Variants in OSBPL1A observed in about 807,000 individuals in gnomAD.
The protein encoded by OSBPL1A is oxysterol binding protein like 1A, also known as oxysterol-binding protein-related protein 1.
A neutral mutation model predicts 137.1 loss-of-function variants in OSBPL1A; 80 were observed. The observed-to-expected ratio is 0.58, with a 90% CI of 0.49 to 0.70. The LOEUF (loss-of-function observed/expected upper bound fraction) is 0.70. OSBPL1A is among the 30% of genes least tolerant of loss of function. The probability of loss-of-function intolerance (pLI) is 0.00; values close to 1 mark genes in which losing one functional copy is unlikely to be tolerated. For missense variants in OSBPL1A, 970 were observed against 1,129.4 expected, an observed-to-expected ratio of 0.86 and a Z score of 2.02; for synonymous variants, 365 against 389.7, an observed-to-expected ratio of 0.94 and a Z score of 0.75.
intron 23 of OSBPL1A, 29 bp downstream of exon 23, chr18:24,171,380 C>T (rs114323426): frequency 5.3e-6 from 8 of 1,514,668 alleles, no homozygotes; most frequent in Non-Finnish European, 7.3e-6. Flanking sequence ...AAAATCTATA[C>T]TATTCAACAT....
intron 17 of OSBPL1A, among the ~76,000 whole-genome samples, chr18:24,213,029 T>C (rs146220553): frequency 2.6e-3 from 395 of 152,312 alleles, no homozygotes; most frequent in African/African-American, 9.3e-3. Flanking sequence ...TCTCTGTATA[T>C]CCAGAATGCC....
chr18:24,318,451 A>T, intron 9 of OSBPL1A, 150 bp downstream of exon 9: 1 of 705,688 alleles, frequency 1.4e-6, no homozygotes, highest in Non-Finnish European at 2.3e-6. Context: ...ACTAAAAATA[A>T]AAAAAAAAAT....
chr18:24,175,349 C>T (rs2086419607), intron 21 of OSBPL1A, among the ~76,000 whole-genome samples: 1 of 150,788 alleles, frequency 6.6e-6, no homozygotes, highest in Non-Finnish European at 1.5e-5. Context: ...CCAAACCTGG[C>T]TATTTTTAAA....
intron 1 of OSBPL1A, among the ~76,000 whole-genome samples, chr18:24,390,339 G>A (rs1046877494): frequency 2.6e-5 from 4 of 152,116 alleles, no homozygotes; most frequent in Admixed American, 6.5e-5. Flanking sequence ...TAACCTAAAC[G>A]TCCATTGACA....
intron 17 of OSBPL1A, among the ~76,000 whole-genome samples, chr18:24,224,313 A>G (rs2087994466): frequency 6.6e-6 from 1 of 152,188 alleles, no homozygotes; most frequent in African/African-American, 2.4e-5. Context: ...TTTTCCAGCA[A>G]TTACCATTAA....
At chr18:24,293,077 C>T (rs2090207359) in intron 14 of OSBPL1A, among the ~76,000 whole-genome samples, 1 of 133,936 alleles carries the variant, frequency 7.5e-6, no homozygotes, top group African/African-American at 2.8e-5. Flanking sequence ...TGCCTCTAGC[C>T]CAGGCGACAG....
intron 4 of OSBPL1A, among the ~76,000 whole-genome samples, chr18:24,365,566 A>G (rs1482813404): frequency 6.6e-6 from 1 of 150,730 alleles, no homozygotes; most frequent in Admixed American, 6.6e-5. Flanking sequence ...CCTGGGCGAC[A>G]GAGCAAGACT....
At chr18:24,164,946 G>T (rs941298507) in intron 27 of OSBPL1A, 119 bp downstream of exon 27, 3 of 963,770 alleles carry the variant, frequency 3.1e-6, no homozygotes, top group Non-Finnish European at 3.2e-6. Context: ...GGGACAACTC[G>T]GCAGGGTTTG....
At chr18:24,387,062 T>C (rs909506561) in intron 1 of OSBPL1A, among the ~76,000 whole-genome samples, 5 of 152,292 alleles carry the variant, frequency 3.3e-5, no homozygotes, top group Non-Finnish European at 7.3e-5. Context: ...TTCTGAAATA[T>C]GTATTTTTGA....
Position 24,327,111 on chromosome 18 carries a change from C to CTT in OSBPL1A, c.625+5829_625+5830dup, listed in dbSNP as rs68045251. 1.4e-3 allele frequency among the ~76,000 whole-genome samples: 190 copies of CTT among 136,960 alleles called. 1 individual carries two copies. The highest frequency in any genetic ancestry group is 3.8e-3 in the Middle Eastern group (1 of 266). 89.9% of individuals were successfully genotyped at this position (136,960 alleles called of 152,430 possible). A position where few individuals can be genotyped will look rare whatever the true frequency, so the allele number is the denominator to read the frequency against. On this transcript the variant is annotated intron_variant, in intron 7 of 27. Coordinates refer to ENST00000319481, the MANE Select transcript of OSBPL1A (RefSeq NM_080597.4). ...TGCTCTTATGGTTTTTTTCTTTTTT[C>CTT]TTTTTTTTTTTTTTGAAACGGAGTC...
chr18:24,295,782 T>G (rs2090279083), intron 14 of OSBPL1A, among the ~76,000 whole-genome samples: 1 of 152,196 alleles, frequency 6.6e-6, no homozygotes, highest in Admixed American at 6.5e-5. Flanking sequence ...TTTGTATGCT[T>G]TGTCAAAGAT....
At chr18:24,295,716 TTA>T (rs1329706138) in intron 14 of OSBPL1A, among the ~76,000 whole-genome samples, 1 of 152,162 alleles carries the variant, frequency 6.6e-6, no homozygotes, top group East Asian at 1.9e-4. Context: ...TTTCCCCAAT[TTA>T]TGTTTTTTTC....
intron 14 of OSBPL1A, among the ~76,000 whole-genome samples, chr18:24,295,858 C>CTT (rs35806995): frequency 6.9e-6 from 1 of 145,300 alleles, no homozygotes; most frequent in Non-Finnish European, 1.5e-5. Context: ...GTCTAAGAGC[C>CTT]TTTTTTTTTT....
At chr18:24,193,160 C>G (rs765825440) in intron 18 of OSBPL1A, among the ~76,000 whole-genome samples, 1 of 152,124 alleles carries the variant, frequency 6.6e-6, no homozygotes, top group Admixed American at 6.5e-5. Flanking sequence ...AAAAAGGACA[C>G]GAAGTGAAGT....
intron 4 of OSBPL1A, among the ~76,000 whole-genome samples, chr18:24,344,081 G>A (rs2091308642): frequency 6.6e-6 from 1 of 152,162 alleles, no homozygotes; most frequent in African/African-American, 2.4e-5. Context: ...AATATGCAAA[G>A]AATGTCTAAA....
At chr18:24,284,223 T>TTA (rs397936773) in intron 14 of OSBPL1A, among the ~76,000 whole-genome samples, 6 of 78,678 alleles carry the variant, frequency 7.6e-5, no homozygotes, top group South Asian at 6.6e-4. Context: ...TAATGTTACA[T>TTA]AAAAAAAAAA....
chr18:24,241,634 T>C lies in OSBPL1A; in HGVS notation c.1282-2252A>G, dbSNP rs2088697267. 2.6e-5 allele frequency among the ~76,000 whole-genome samples: 4 copies of C among 152,142 alleles called. No homozygotes were observed. The South Asian group carries it at 8.3e-4, about 31-fold the overall frequency. On this transcript the variant is annotated intron_variant, in intron 15 of 27. Transcript: ENST00000319481. ...TAAAGAGTCAGAAAACAACAGATGC[T>C]AGAGAGGATGTGGAGAAATAGGAAC...
intron 21 of OSBPL1A, among the ~76,000 whole-genome samples, chr18:24,176,296 C>T (rs959900711): frequency 6.6e-6 from 1 of 152,146 alleles, no homozygotes; most frequent in Non-Finnish European, 1.5e-5. Context: ...CCAAATATAT[C>T]GAGACAGTGT....
chr18:24,218,286 A>C (rs957766313), intron 17 of OSBPL1A: 1 of 152,236 alleles, frequency 6.6e-6, no homozygotes, highest in African/African-American at 2.4e-5. Flanking sequence ...TGAGTTATTT[A>C]AAAGATGAAA....
Sources: gnomAD v4.1 joint callset for allele counts (sites outside exome capture counted in the v4.1 genomes callset) on GRCh38, gnomAD v4.1.1 for gene constraint, MANE v1.5 for transcripts, NCBI Gene and HGNC (gene_info 2026-07-23, HGNC 2026-07-21) for gene names.